The following SKAP1 variants were observed in gnomAD, a reference collection of about 807,000 sequenced individuals.
SKAP1 encodes src kinase-associated phosphoprotein 1.
Under a neutral mutation model 58.5 loss-of-function variants are expected in SKAP1, and 44 were observed. The observed-to-expected ratio is 0.75, with a 90% CI of 0.59 to 0.97. The LOEUF is 0.97. SKAP1 is among the 50% of genes least tolerant of loss of function. The probability of loss-of-function intolerance (pLI) is 0.00; values close to 1 mark genes in which losing one functional copy is unlikely to be tolerated. For synonymous variants in SKAP1, 127 were observed against 149.7 expected (o/e 0.85, Z 1.11); for missense variants, 390 against 435.2 (o/e 0.90, Z 0.92).
intron 1 of SKAP1, among the ~76,000 whole-genome samples, chr17:48,416,542 A>G (rs1356161598): frequency 6.6e-6 from 1 of 152,174 alleles, no homozygotes; most frequent in African/African-American, 2.4e-5. Context: ...TTCCAAAAAT[A>G]ATGGGCTATG....
At chr17:48,371,820 C>T (rs1343619993) in intron 2 of SKAP1, among the ~76,000 whole-genome samples, 4 of 146,686 alleles carry the variant, frequency 2.7e-5, no homozygotes, top group Admixed American at 2.7e-4. Flanking sequence ...CTGGGTAACA[C>T]AGCAAGACCC....
chr17:48,380,641 G>A (rs2056458), intron 2 of SKAP1, among the ~76,000 whole-genome samples: 50,733 of 151,948 alleles, frequency 0.33, 9,174 homozygotes, highest in African/African-American at 0.47. Context: ...TGATGGGGCA[G>A]TTTTGGAAAA....
intron 1 of SKAP1, among the ~76,000 whole-genome samples, chr17:48,407,201 G>C (rs764925986): frequency 3.3e-5 from 5 of 152,136 alleles, no homozygotes; most frequent in Non-Finnish European, 5.9e-5. Flanking sequence ...ATCATGGAGT[G>C]ACAAATTCAT....
chr17:48,286,869 G>C (rs1018202929), intron 4 of SKAP1, among the ~76,000 whole-genome samples: 1 of 152,132 alleles, frequency 6.6e-6, no homozygotes, highest in Non-Finnish European at 1.5e-5. Flanking sequence ...AGGCCAAGGC[G>C]GGTGGATCAC....
At chr17:48,366,784 T>C (rs774979977) in intron 2 of SKAP1, among the ~76,000 whole-genome samples, 4 of 152,108 alleles carry the variant, frequency 2.6e-5, no homozygotes, top group Non-Finnish European at 5.9e-5. Context: ...CCAATTCCTA[T>C]CATTACCCAA....
chr17:48,253,682 G>A (rs997611475), intron 4 of SKAP1, among the ~76,000 whole-genome samples: 2 of 151,824 alleles, frequency 1.3e-5, no homozygotes, highest in African/African-American at 2.4e-5. Context: ...TCTTCTATAC[G>A]ACTGTGGAAG....
In SKAP1 at chr17:48,187,882, C is replaced by T; in HGVS notation, c.403G>A (p.Val135Ile). 3.1e-6 allele frequency: 5 copies of T among 1,614,014 alleles called. No homozygotes were observed. Among genetic ancestry groups the T allele is most frequent in the Non-Finnish European group, 4.2e-6 (5 of 1,179,892 alleles). ...TAGTAGTAGAAGAGACCTCTGCTGA[C>T]AACACACCATCGCTTCTGCCACTCC... The part of the protein sequence containing the change: ...GSEWQKRWCV[V>I]SRGLFYYYAN... The change falls in exon 6 of 13, where the codon GTC (valine) becomes ATC (isoleucine). Residue 135 changes from valine to isoleucine, a missense_variant. By Grantham distance (29) the Val-to-Ile change is conservative. Coordinates refer to ENST00000336915, the MANE Select transcript of SKAP1 (RefSeq NM_003726.4).
intron 11 of SKAP1, among the ~76,000 whole-genome samples, chr17:48,159,757 G>A (rs944716832): frequency 4.0e-4 from 61 of 152,210 alleles, no homozygotes; most frequent in Non-Finnish European, 7.3e-5. Flanking sequence ...GAAGCAAGGC[G>A]ATGAATAGAT....
intron 4 of SKAP1, among the ~76,000 whole-genome samples, chr17:48,281,368 A>G (rs993087289): frequency 7.9e-5 from 12 of 152,124 alleles, no homozygotes; most frequent in African/African-American, 2.9e-4. Context: ...GTGCCCAATA[A>G]GAAACCATGA....
At chr17:48,205,037 T>TC (rs1555602921) in intron 4 of SKAP1, among the ~76,000 whole-genome samples, 944 of 55,698 alleles carry the variant, frequency 0.017, 53 homozygotes, top group African/African-American at 0.047. Context: ...CTTTCTTTCT[T>TC]TCTCTCTCTC....
At chr17:48,158,629 C>A (rs1286946555) in intron 11 of SKAP1, among the ~76,000 whole-genome samples, 1 of 147,822 alleles carries the variant, frequency 6.8e-6, no homozygotes, top group Non-Finnish European at 1.5e-5. Flanking sequence ...TCCTAGGCTT[C>A]TAAGATTCAA....
chr17:48,189,528 AT>A, intron 4 of SKAP1, 28 bp from the exon 5 acceptor site: 4 of 1,580,416 alleles, frequency 2.5e-6, no homozygotes, highest in Non-Finnish European at 3.5e-6. Context: ...AAAATGCTTT[AT>A]TGAAACCTGG....
At chr17:48,292,705 A>C (rs1203611334) in intron 4 of SKAP1, among the ~76,000 whole-genome samples, 3 of 152,180 alleles carry the variant, frequency 2.0e-5, no homozygotes, top group Non-Finnish European at 1.5e-5. Flanking sequence ...AATTTTGGGC[A>C]TGGGGAGATA....
At chr17:48,149,190 C>T (rs1051934403) in intron 11 of SKAP1, among the ~76,000 whole-genome samples, 5 of 152,198 alleles carry the variant, frequency 3.3e-5, no homozygotes, top group Non-Finnish European at 4.4e-5. Context: ...AACATGCCCT[C>T]ATTAGGAGAG....
In SKAP1 at chr17:48,252,750, GTGTGTA is replaced by G. The variant is rs1438962457; in HGVS notation, c.281-63256_281-63251del. On this transcript the variant is annotated intron_variant, in intron 4 of 12. Transcript: ENST00000336915. Reference sequence around the variant, plus strand: ...TGTGTGTGTGTGTGTGTGTGTGTGTGTGTGTATGTGCTCATGTGTGTACAGATCCAG... The same window carrying G: ...TGTGTGTGTGTGTGTGTGTGTGTGTGTGTGCTCATGTGTGTACAGATCCAG... Among the ~76,000 whole-genome samples, 631 of 126,872 alleles carry G rather than the reference GTGTGTA, an allele frequency of 5.0e-3. 6 individuals are homozygous for G. The highest frequency in any genetic ancestry group is 0.043 in the East Asian group (157 of 3,624). 83.2% of individuals were successfully genotyped at this position (126,872 alleles called of 152,430 possible).
intron 4 of SKAP1, among the ~76,000 whole-genome samples, chr17:48,281,762 T>G (rs898358699): frequency 3.9e-5 from 6 of 152,082 alleles, no homozygotes; most frequent in African/African-American, 1.4e-4. Flanking sequence ...TATTATAAAA[T>G]CAATGAGAAA....
intron 4 of SKAP1, among the ~76,000 whole-genome samples, chr17:48,263,214 AG>A (rs1275814769): frequency 2.0e-5 from 3 of 152,176 alleles, no homozygotes; most frequent in Non-Finnish European, 4.4e-5. Flanking sequence ...ATTCACAAAT[AG>A]GGTACAAGAA....
chr17:48,208,205 A>C (rs1487673816), intron 4 of SKAP1, among the ~76,000 whole-genome samples: 1 of 152,176 alleles, frequency 6.6e-6, no homozygotes, highest in Admixed American at 6.5e-5. Flanking sequence ...GGCAATATGA[A>C]GATATATGGG....
intron 4 of SKAP1, among the ~76,000 whole-genome samples, chr17:48,191,850 T>A (rs1371761919): frequency 8.5e-5 from 13 of 152,218 alleles, no homozygotes; most frequent in Admixed American, 8.5e-4. Context: ...GGTGCACGCA[T>A]GAGATGAACA....
Sources: gnomAD v4.1 joint callset for allele counts (sites outside exome capture counted in the v4.1 genomes callset) on GRCh38, gnomAD v4.1.1 for gene constraint, MANE v1.5 for transcripts, NCBI Gene and HGNC (gene_info 2026-07-23, HGNC 2026-07-21) for gene names.